The following SAP130 variants were observed in gnomAD, a reference collection of about 807,000 sequenced individuals.
The protein encoded by SAP130 is Sin3A associated protein 130, also known as histone deacetylase complex subunit SAP130.
SAP130 carries 16 observed loss-of-function variants against 103.2 expected under a neutral mutation model. That is an observed-to-expected ratio of 0.16 (90% CI 0.10 to 0.24). The LOEUF (loss-of-function observed/expected upper bound fraction) is 0.24. Among genes scored for constraint, SAP130 ranks in the 10% least tolerant of loss-of-function variants. The probability of loss-of-function intolerance (pLI) is 1.00; values close to 1 mark genes in which losing one functional copy is unlikely to be tolerated. For synonymous variants in SAP130, 477 were observed against 497.0 expected (o/e 0.96, Z 0.53); for missense variants, 990 against 1,359.7 (o/e 0.73, Z 4.28).
Position 128,017,782 on chromosome 2 carries a change from C to A in SAP130, c.246G>T (p.Ser82=). 6.2e-7 allele frequency: 1 copy of A among 1,614,152 alleles called. No homozygotes were observed. Among genetic ancestry groups the A allele is most frequent in the Non-Finnish European group, 8.5e-7 (1 of 1,180,036 alleles). ...VRPYPQVQML[S]THHAVASATP... ...TGGCTGATGCGACAGCATGGTGTGT[C>A]GACAACATCTGCACCTGTGGATAGG... The change falls in exon 3 of 21, where the codon TCG becomes TCT. Residue 82 remains serine (S), a synonymous_variant. Coordinates refer to ENST00000643581, the MANE Select transcript of SAP130 (RefSeq NM_001330301.2).
Position 127,989,445 on chromosome 2 carries a change from A to G in SAP130, c.1780+119T>C. The G allele has an allele frequency of 2.2e-6, 2 of 894,484 alleles. No homozygotes were observed. Among genetic ancestry groups the G allele is most frequent in the South Asian group, 3.6e-5 (2 of 56,088 alleles). The allele number at this position is 894,484 out of a possible 1,614,324, so 55.4% of individuals were successfully genotyped here. On this transcript the variant is annotated intron_variant, in intron 13 of 20. Coordinates refer to ENST00000643581, the MANE Select transcript of SAP130 (RefSeq NM_001330301.2). The surrounding 1 kb of genome is among the most constrained non-coding windows in gnomAD (Gnocchi z 4.6). ...GTTCTAAGCAACTCATATTATTAAT[A>G]CAAAGAAGAAAAGGCCTAGAGAAAT...
Position 127,955,303 on chromosome 2 carries a change from G to C in SAP130, c.2105C>G (p.Pro702Arg), listed in dbSNP as rs1269972696. The change falls in exon 16 of 21, where the codon CCG becomes CGG. Residue 702 changes from proline (P) to arginine (R), a missense_variant. Pro to Arg is a moderately radical substitution (Grantham distance 103). This residue lies in a region of SAP130 where 349 missense variants were observed against 384.1 expected (regional missense o/e 0.91). Transcript: ENST00000643581. The surrounding 1 kb of genome is among the most constrained non-coding windows in gnomAD (Gnocchi z 4.9). ...KSEIHVSMAT[P>R]VTVSMETVSN... Reference sequence around the variant, plus strand: ...TACAGTCTCCATGGACACAGTGACCGGAGTGGCCATAGACACGTGGATTTC... The same window carrying C: ...TACAGTCTCCATGGACACAGTGACCCGAGTGGCCATAGACACGTGGATTTC... 6.2e-7 allele frequency: 1 copy of C among 1,600,760 alleles called. No individual in the cohort carries two copies. Among genetic ancestry groups the C allele is most frequent in the East Asian group, 2.2e-5 (1 of 44,542 alleles).
rs143761271 is a variant in SAP130 at position 127,965,927 on chromosome 2, C to T, written c.2064-10583G>A. Among the ~76,000 whole-genome samples the T allele has an allele frequency of 5.3e-3, 808 of 152,236 alleles. 8 individuals carry two copies. Among genetic ancestry groups the T allele is most frequent in the Middle Eastern group, 0.024 (7 of 294 alleles). ...GCTAGAACTGATGAGGCCTAAAAAA[C>T]GTGAATTAAAGCCCTTTTGCTCCTA... On this transcript the variant is annotated intron_variant, in intron 15 of 20. Transcript: ENST00000643581.
chr2:128,000,941 A>C (rs1031674455), intron 7 of SAP130, among the ~76,000 whole-genome samples: 7 of 152,276 alleles, frequency 4.6e-5, no homozygotes, highest in Admixed American at 2.0e-4. Context: ...AACTCTGTGG[A>C]TAAATCTGAA....
At chr2:128,022,500 TG>T (rs1199768224) in intron 2 of SAP130, among the ~76,000 whole-genome samples, 1 of 152,234 alleles carries the variant, frequency 6.6e-6, no homozygotes, top group African/African-American at 2.4e-5. Context: ...CTCAGTGGTG[TG>T]GTAAGTGTAT....
chr2:127,971,035 C>A (rs1351833101), intron 15 of SAP130, among the ~76,000 whole-genome samples: 1 of 151,858 alleles, frequency 6.6e-6, no homozygotes, highest in East Asian at 1.9e-4. Context: ...ACTATAAACT[C>A]AACCTGCCAG....
At chr2:128,009,143 T>C (rs547043401) in intron 7 of SAP130, among the ~76,000 whole-genome samples, 2 of 152,234 alleles carry the variant, frequency 1.3e-5, no homozygotes, top group Admixed American at 6.5e-5. Context: ...CCTGCCCCAG[T>C]GATTCCTCAG....
chr2:128,023,379 GC>G (rs1264818195), intron 2 of SAP130, among the ~76,000 whole-genome samples: 5 of 152,188 alleles, frequency 3.3e-5, no homozygotes, highest in African/African-American at 1.2e-4. Context: ...TGAGCTCAAA[GC>G]GATCCACCTG....
chr2:127,983,888 T>C (rs1039943935), intron 14 of SAP130, among the ~76,000 whole-genome samples: 1 of 149,280 alleles, frequency 6.7e-6, no homozygotes, highest in African/African-American at 2.5e-5. Context: ...CAAGTTACCT[T>C]TACAGTTCAA....
intron 14 of SAP130, among the ~76,000 whole-genome samples, chr2:127,980,631 T>A (rs1681797502): frequency 6.6e-6 from 1 of 152,170 alleles, no homozygotes; most frequent in Non-Finnish European, 1.5e-5. Flanking sequence ...GGTACTGTTA[T>A]ACATGGTATT....
In SAP130 at chr2:127,989,313, A is replaced by G. The variant is rs376607692; in HGVS notation, c.1780+251T>C. On this transcript the variant is annotated intron_variant, in intron 13 of 20. Coordinates refer to ENST00000643581, the MANE Select transcript of SAP130 (RefSeq NM_001330301.2). The surrounding 1 kb of genome is among the most constrained non-coding windows in gnomAD (Gnocchi z 4.6). Reference sequence around the variant, plus strand: ...AGGGTTTTACCACGTTAGCCTGGATAGTCTTGATCTCCTGACCTCGTGATC... The same window carrying G: ...AGGGTTTTACCACGTTAGCCTGGATGGTCTTGATCTCCTGACCTCGTGATC... Among the ~76,000 whole-genome samples, 51 of 152,084 alleles carry G rather than the reference A, an allele frequency of 3.4e-4. 1 individual carries two copies. In the South Asian group the frequency reaches 6.4e-3, roughly 19 times the overall value.
chr2:127,993,541 T>C (rs1435583477), intron 11 of SAP130, among the ~76,000 whole-genome samples: 1 of 151,362 alleles, frequency 6.6e-6, no homozygotes, highest in African/African-American at 2.4e-5. Flanking sequence ...ACATAGATAA[T>C]ATTCTATGGG....
rs1678771822 is a variant in SAP130, at chr2:127,942,386, T to C, written c.3015+38A>G. ...TAGGGCTTTACAGAAAGCAACTTCATAAAGTAGATGATCAGAAGGGAAGGG... is the reference window on the plus strand; with the variant it reads ...TAGGGCTTTACAGAAAGCAACTTCACAAAGTAGATGATCAGAAGGGAAGGG... On this transcript the variant is annotated intron_variant, in intron 20 of 20. Transcript: ENST00000643581. The surrounding 1 kb of genome is among the most constrained non-coding windows in gnomAD (Gnocchi z 4.8). 7.0e-7 allele frequency: 1 copy of C among 1,435,520 alleles called. No individual in the cohort carries two copies. Among genetic ancestry groups the C allele is most frequent in the Non-Finnish European group, 9.8e-7 (1 of 1,018,282 alleles). The allele number at this position is 1,435,520 out of a possible 1,614,324, so 88.9% of individuals were successfully genotyped here.
chr2:127,973,491 A>G (rs139944544), intron 15 of SAP130, among the ~76,000 whole-genome samples: 2,483 of 152,292 alleles, frequency 0.016, 26 homozygotes, highest in Non-Finnish European at 0.024. Context: ...CTGACTCCCA[A>G]AGTCCGAGGG....
intron 12 of SAP130, among the ~76,000 whole-genome samples, chr2:127,992,749 G>A (rs1682901830): frequency 6.6e-6 from 1 of 152,096 alleles, no homozygotes; most frequent in African/African-American, 2.4e-5. Context: ...CATATAACTG[G>A]TACACCAAAT....
At chr2:128,002,045 G>A (rs1331012242) in intron 7 of SAP130, among the ~76,000 whole-genome samples, 1 of 151,846 alleles carries the variant, frequency 6.6e-6, no homozygotes, top group African/African-American at 2.4e-5. Context: ...TCCTGCCTTA[G>A]CCTCCTGAGT....
chr2:127,967,435 T>G (rs1184430402), intron 15 of SAP130, among the ~76,000 whole-genome samples: 1 of 152,278 alleles, frequency 6.6e-6, no homozygotes, highest in African/African-American at 2.4e-5. Context: ...AGTCTCGCTC[T>G]GTTGCCCAGG....
chr2:127,982,633 C>T lies in SAP130; in HGVS notation c.1958+4152G>A, dbSNP rs143523139. Among the ~76,000 whole-genome samples the T allele has an allele frequency of 3.2e-3, 490 of 152,282 alleles. 2 individuals are homozygous for T. The highest frequency in any genetic ancestry group is 5.2e-3 in the Non-Finnish European group (351 of 68,024). On this transcript the variant is annotated intron_variant, in intron 14 of 20. Coordinates refer to ENST00000643581, the MANE Select transcript of SAP130 (RefSeq NM_001330301.2). ...GATGGGCTGCTTTAAGACCTTAGTGCGTCTGCGAGGCTAAGCAAGACCAGT... is the reference window on the plus strand; with the variant it reads ...GATGGGCTGCTTTAAGACCTTAGTGTGTCTGCGAGGCTAAGCAAGACCAGT...
In SAP130 at chr2:128,016,494, A is replaced by G; in HGVS notation, c.402T>C (p.Ser134=). 1 of 1,614,016 alleles carries G rather than the reference A, an allele frequency of 6.2e-7. No homozygotes were observed. Among genetic ancestry groups the G allele is most frequent in the Non-Finnish European group, 8.5e-7 (1 of 1,179,974 alleles). ...GAACCTTGGGGGGAAGTGACAGGGT[A>G]GAAGGTGGAGCAGGAGCAATGGGAC... ...PSRPIAPAPP[S]TLSLPPKVPG... The change falls in exon 4 of 21, where the codon TCT becomes TCC. Residue 134 remains serine, a synonymous_variant. Coordinates refer to ENST00000643581, the MANE Select transcript of SAP130 (RefSeq NM_001330301.2).
Sources: allele counts gnomAD v4.1 joint callset (sites outside exome capture counted in the v4.1 genomes callset), GRCh38; gene constraint gnomAD v4.1.1; regional missense constraint gnomAD v4.1.1; non-coding constraint Gnocchi (gnomAD v3.1); transcripts MANE v1.5; gene names NCBI Gene and HGNC (gene_info 2026-07-23, HGNC 2026-07-21).